Variants in DENND2C observed in about 807,000 individuals in gnomAD.
DENND2C encodes the protein DENN domain-containing protein 2C.
Under a neutral mutation model 112.4 loss-of-function variants are expected in DENND2C, and 72 were observed. The ratio of observed to expected loss-of-function variants is 0.64; its 90% confidence interval spans 0.53 to 0.78. The LOEUF (loss-of-function observed/expected upper bound fraction) is 0.78. Ranked by LOEUF, DENND2C falls within the 30% of genes least tolerant of loss-of-function variation. The pLI is 0.00. For synonymous variants in DENND2C, 329 were observed against 381.6 expected, an observed-to-expected ratio of 0.86 and a Z score of 1.61; for missense variants, 992 against 1,113.8, an observed-to-expected ratio of 0.89 and a Z score of 1.56.
At position 114,587,851 on chromosome 1, in the gene DENND2C, GC is replaced by G; in HGVS notation, c.2532del (p.Glu844AspfsTer68). On this transcript the variant is annotated frameshift_variant, in exon 19 of 21. Coordinates refer to ENST00000393274, the MANE Select transcript of DENND2C (RefSeq NM_001256404.2). LOFTEE classifies it high-confidence loss of function. ...CGGAATGGTTCCCTTTGGAAAACAC[GC>G]TCCCCACGCTCAGTGACAGTCATGT... ...SLNMTVTERG[E>X]RVFQREPFRK... 1 of 1,613,968 alleles carries G rather than the reference GC, an allele frequency of 6.2e-7. No homozygotes were observed. The highest frequency in any genetic ancestry group is 8.5e-7 in the Non-Finnish European group (1 of 1,179,986).
At chr1:114,632,528 G>A (rs1656517895) in intron 3 of DENND2C, among the ~76,000 whole-genome samples, 1 of 152,134 alleles carries the variant, frequency 6.6e-6, no homozygotes, top group Non-Finnish European at 1.5e-5. Context: ...TCTTCAAAAT[G>A]AAGGTGAAAT....
intron 11 of DENND2C, among the ~76,000 whole-genome samples, chr1:114,603,408 G>A (rs568316337): frequency 6.6e-5 from 10 of 152,014 alleles, no homozygotes; most frequent in African/African-American, 9.6e-5. Flanking sequence ...GATTACAGGC[G>A]TGAGCCACAG....
intron 8 of DENND2C, among the ~76,000 whole-genome samples, chr1:114,611,599 G>A (rs1311422670): frequency 6.6e-6 from 1 of 152,122 alleles, no homozygotes; most frequent in African/African-American, 2.4e-5. Flanking sequence ...CTTCTATGGT[G>A]CCTCTAAGTG....
intron 11 of DENND2C, among the ~76,000 whole-genome samples, chr1:114,604,263 G>A (rs962559645): frequency 8.5e-5 from 13 of 152,112 alleles, no homozygotes; most frequent in South Asian, 2.1e-4. Context: ...CATGTGATAC[G>A]GTTCAATGAA....
chr1:114,661,090 G>A (rs1657476312), intron 1 of DENND2C, among the ~76,000 whole-genome samples: 1 of 134,560 alleles, frequency 7.4e-6, no homozygotes. Flanking sequence ...CTGGGCGACA[G>A]AGCGAGACTC....
intron 2 of DENND2C, among the ~76,000 whole-genome samples, chr1:114,649,837 A>AGT (rs1311978483): frequency 6.6e-6 from 1 of 152,244 alleles, no homozygotes; most frequent in Non-Finnish European, 1.5e-5. Context: ...GTCACAAAGT[A>AGT]ATACTACTAC....
chr1:114,622,698 T>C (rs1028170594), intron 6 of DENND2C, among the ~76,000 whole-genome samples: 4 of 151,666 alleles, frequency 2.6e-5, no homozygotes, highest in African/African-American at 4.8e-5. Context: ...TGGCCAAAGA[T>C]TGATGTAGAC....
chr1:114,588,155 CCATACATACTCCTTCTA>C (rs1309328181), intron 18 of DENND2C, among the ~76,000 whole-genome samples: 1 of 152,100 alleles, frequency 6.6e-6, no homozygotes, highest in East Asian at 1.9e-4. Flanking sequence ...CATTTTCTTC[CCATACATACTCCTTCTA>C]CATCTTGCAA....
intron 8 of DENND2C, among the ~76,000 whole-genome samples, chr1:114,617,501 G>C (rs190041714): frequency 1.3e-5 from 2 of 152,118 alleles, no homozygotes; most frequent in East Asian, 3.9e-4. Flanking sequence ...AGTAGAGACA[G>C]GTTTCTCTAT....
chr1:114,615,341 A>C (rs1655936523), intron 8 of DENND2C, among the ~76,000 whole-genome samples: 1 of 152,198 alleles, frequency 6.6e-6, no homozygotes, highest in Non-Finnish European at 1.5e-5. Context: ...GAGATGATTA[A>C]ACTGCTAAAA....
intron 3 of DENND2C, among the ~76,000 whole-genome samples, chr1:114,642,852 A>G (rs1202327028): frequency 3.3e-5 from 5 of 152,248 alleles, no homozygotes; most frequent in Non-Finnish European, 4.4e-5. Context: ...AATGACAGGT[A>G]CTATAAATTT....
chr1:114,664,274 A>C (rs1557963719), intron 1 of DENND2C, among the ~76,000 whole-genome samples: 1 of 152,000 alleles, frequency 6.6e-6, no homozygotes, highest in Non-Finnish European at 1.5e-5. Context: ...CCAAGAACTA[A>C]AGATCCAGTG....
intron 3 of DENND2C, among the ~76,000 whole-genome samples, chr1:114,627,972 G>GA (rs763971195): frequency 2.0e-5 from 3 of 151,764 alleles, no homozygotes; most frequent in Non-Finnish European, 2.9e-5. Context: ...AAAAAAAAAT[G>GA]AAAATTGTCA....
At chr1:114,617,370 G>A (rs1656001432) in intron 8 of DENND2C, among the ~76,000 whole-genome samples, 1 of 152,080 alleles carries the variant, frequency 6.6e-6, no homozygotes, top group African/African-American at 2.4e-5. Flanking sequence ...CAGTGCAGTG[G>A]CGCGATCTCA....
intron 2 of DENND2C, among the ~76,000 whole-genome samples, chr1:114,652,015 G>A (rs1458276218): frequency 1.3e-5 from 2 of 152,148 alleles, no homozygotes; most frequent in Non-Finnish European, 2.9e-5. Context: ...GTGCGGGGTT[G>A]TAAGAGTCAG....
At chr1:114,644,711 A>G (rs1450389792) in intron 3 of DENND2C, among the ~76,000 whole-genome samples, 2 of 152,150 alleles carry the variant, frequency 1.3e-5, no homozygotes, top group Non-Finnish European at 2.9e-5. Context: ...TTCATTTTCT[A>G]GATGAGGAAA....
intron 3 of DENND2C, among the ~76,000 whole-genome samples, chr1:114,641,067 GT>G (rs1297476048): frequency 3.3e-5 from 5 of 151,898 alleles, no homozygotes; most frequent in African/African-American, 1.2e-4. Flanking sequence ...TCTAAAATCT[GT>G]TTTTTAGAGA....
chr1:114,637,542 A>G (rs982683048), intron 3 of DENND2C, among the ~76,000 whole-genome samples: 1 of 151,420 alleles, frequency 6.6e-6, no homozygotes, highest in East Asian at 2.0e-4. Context: ...GTTGAGACAG[A>G]GTCTTGCTCT....
At chr1:114,665,855 T>G (rs1415607341) in intron 1 of DENND2C, among the ~76,000 whole-genome samples, 1 of 152,142 alleles carries the variant, frequency 6.6e-6, no homozygotes, top group Non-Finnish European at 1.5e-5. Flanking sequence ...TTCTACATAC[T>G]CCCTTGAGCA....
Sources: allele counts gnomAD v4.1 joint callset (sites outside exome capture counted in the v4.1 genomes callset), GRCh38; gene constraint gnomAD v4.1.1; transcripts MANE v1.5; gene names NCBI Gene and HGNC (gene_info 2026-07-23, HGNC 2026-07-21).